The following ACBD4 variants were observed in gnomAD, a reference collection of about 807,000 sequenced individuals.
ACBD4 encodes the protein acyl-CoA binding domain containing 4.
A neutral mutation model predicts 46.0 loss-of-function variants in ACBD4; 41 were observed. That is an observed-to-expected ratio of 0.89 (90% CI 0.69 to 1.16). The LOEUF (loss-of-function observed/expected upper bound fraction) is 1.16, where lower values mean the gene tolerates loss of function less well. Ranked by LOEUF, ACBD4 falls within the 50% of genes most tolerant of loss-of-function variation. The pLI, the probability that ACBD4 is intolerant of heterozygous loss-of-function variation, is 0.00. For synonymous variants in ACBD4, 162 were observed against 155.9 expected (o/e 1.04, Z -0.29); for missense variants, 393 against 399.5 (o/e 0.98, Z 0.14).
chr17:45,132,623 G>A (rs923982713), upstream of ACBD4: 4 of 265,962 alleles, frequency 1.5e-5, no homozygotes, highest in African/African-American at 2.3e-5. This position sits in a 1 kb window ranked among gnomAD's most constrained non-coding sequence, Gnocchi z 4.6. Context: ...GGGGCCAGGC[G>A]GTGGCCTGGA....
intron 7 of ACBD4, 22 bp from the exon 8 acceptor site, chr17:45,137,891 G>A: frequency 1.9e-6 from 3 of 1,611,586 alleles, no homozygotes; most frequent in Non-Finnish European, 2.5e-6. Context: ...CCCACCCTCA[G>A]CTCTCTGACT....
chr17:45,132,417 G>A (rs1029644977), upstream of ACBD4: 1 of 1,211,628 alleles, frequency 8.3e-7, no homozygotes, highest in African/African-American at 1.6e-5. The surrounding 1 kb of genome is among the most constrained non-coding windows in gnomAD (Gnocchi z 4.6). Context: ...GCATGGCTTG[G>A]CGGGGGGCCG....
At chr17:45,131,602 C>T (rs901330142), upstream of ACBD4, among the ~76,000 whole-genome samples, 2 of 152,238 alleles carry the variant, frequency 1.3e-5, no homozygotes, top group African/African-American at 4.8e-5. Flanking sequence ...CCTAGGAAGT[C>T]GAGGAAGATT....
rs570487704 is a variant in ACBD4, at chr17:45,143,430, C to G, written c.790-13C>G. On this transcript the variant is annotated splice_polypyrimidine_tract_variant and intron_variant, in intron 9 of 9. Coordinates refer to ENST00000321854, the MANE Select transcript of ACBD4 (RefSeq NM_001135705.3). The stretch of plus-strand genomic sequence containing the variant: ...CCTGGACTGGCCTCTGACTCCCTCC[C>G]TCTTGGCTGCAGAGGCCGCAGCCCA... 1.9e-6 allele frequency: 3 copies of G among 1,599,320 alleles called. No individual in the cohort carries two copies. Among genetic ancestry groups the G allele is most frequent in the South Asian group, 2.2e-5 (2 of 90,078 alleles).
upstream of ACBD4, among the ~76,000 whole-genome samples, chr17:45,132,858 C>A (rs1038805439): frequency 5.9e-5 from 9 of 152,210 alleles, no homozygotes; most frequent in African/African-American, 1.9e-4. This position sits in a 1 kb window ranked among gnomAD's most constrained non-coding sequence, Gnocchi z 4.6. Flanking sequence ...CCTTCCGCGT[C>A]CCCGTCGCGC....
chr17:45,133,720 A>T (rs1450704903), upstream of ACBD4, among the ~76,000 whole-genome samples: 1 of 149,464 alleles, frequency 6.7e-6, no homozygotes, highest in Non-Finnish European at 1.5e-5. Flanking sequence ...TTTAGTAGAG[A>T]CGGGGTTTCA....
At position 45,143,433 on chromosome 17, in the gene ACBD4, T is replaced by A; in HGVS notation, c.790-10T>A. The A allele has an allele frequency of 6.2e-7, 1 of 1,601,040 alleles. No individual in the cohort carries two copies. Among genetic ancestry groups the A allele is most frequent in the Non-Finnish European group, 8.5e-7 (1 of 1,176,454 alleles). On this transcript the variant is annotated splice_polypyrimidine_tract_variant and intron_variant, in intron 9 of 9. Coordinates refer to ENST00000321854, the MANE Select transcript of ACBD4 (RefSeq NM_001135705.3). ...GGACTGGCCTCTGACTCCCTCCCTC[T>A]TGGCTGCAGAGGCCGCAGCCCAGGC...
Position 45,143,869 on chromosome 17 carries a change from C to T in ACBD4, c.*298C>T. The T allele has an allele frequency of 2.2e-6, 1 of 445,246 alleles. No individual in the cohort carries two copies. Among genetic ancestry groups the T allele is most frequent in the South Asian group, 3.3e-5 (1 of 30,124 alleles). The allele number at this position is 445,246 out of a possible 1,614,324, so 27.6% of individuals were successfully genotyped here. A position where few individuals can be genotyped will look rare whatever the true frequency, so the allele number is the denominator to read the frequency against. ...GGGGCGGGGCGATCGGGTCTCAGCC[C>T]CTGCCTTCCCCAGTCTCTGGGTCAC... On this transcript the variant is annotated 3_prime_UTR_variant, in exon 10 of 10. Coordinates refer to ENST00000321854, the MANE Select transcript of ACBD4 (RefSeq NM_001135705.3).
chr17:45,137,341 C>G, intron 5 of ACBD4, 27 bp from the exon 6 acceptor site: 1 of 1,613,650 alleles, frequency 6.2e-7, no homozygotes, highest in Non-Finnish European at 8.5e-7. Context: ...CTCCCCAGGC[C>G]CACCTCTGGG....
At chr17:45,134,519 G>A (rs1044569593), upstream of ACBD4, among the ~76,000 whole-genome samples, 4 of 152,258 alleles carry the variant, frequency 2.6e-5, no homozygotes, top group Non-Finnish European at 5.9e-5. Context: ...GCTCACGCCT[G>A]TAATCCCAAC....
At position 45,137,899 on chromosome 17, in the gene ACBD4, ACTCAT is replaced by A. The variant is rs3830314; in HGVS notation, c.574-9_574-5del. The A allele has an allele frequency of 5.7e-4, 912 of 1,606,316 alleles. 6 individuals are homozygous for A. In the East Asian group the frequency reaches 0.011, roughly 19 times the overall value. On this transcript the variant is annotated splice_polypyrimidine_tract_variant and intron_variant, in intron 7 of 9. Coordinates refer to ENST00000321854, the MANE Select transcript of ACBD4 (RefSeq NM_001135705.3). ...TCCCACTCCCACCCTCAGCTCTCTG[ACTCAT>A]CTCAGCAGGTTTGGACAGAGCAGCG...
At chr17:45,134,278 C>T (rs1225072831), upstream of ACBD4, among the ~76,000 whole-genome samples, 15 of 152,182 alleles carry the variant, frequency 9.9e-5, no homozygotes, top group Admixed American at 9.8e-4. Flanking sequence ...GTTGGGACTA[C>T]AGGCCTGAGC....
chr17:45,140,169 G>GTTT (rs201542915), intron 9 of ACBD4, among the ~76,000 whole-genome samples: 2 of 142,994 alleles, frequency 1.4e-5, no homozygotes, highest in Non-Finnish European at 3.1e-5. Flanking sequence ...CTTTTCTTCT[G>GTTT]TTTTTTTTTT....
intron 8 of ACBD4, 160 bp downstream of exon 8, chr17:45,138,148 C>A: frequency 1.3e-6 from 1 of 786,672 alleles, no homozygotes; most frequent in South Asian, 1.8e-5. Context: ...CAGCCAGATA[C>A]CTGCCTGGAT....
At position 45,137,331 on chromosome 17, in the gene ACBD4, C is replaced by G. The variant is rs575349389; in HGVS notation, c.416-37C>G. 2.6e-4 allele frequency: 427 copies of G among 1,612,204 alleles called. 4 individuals are homozygous for G. In the South Asian group the frequency reaches 4.3e-3, roughly 16 times the overall value. On this transcript the variant is annotated intron_variant, in intron 5 of 9. Transcript: ENST00000321854. ...TGATCACACTGGGAGGTGCCAGCCT[C>G]TCCCCAGGCCCACCTCTGGGTGCTG...
rs1041833546 is a variant in ACBD4 at position 45,139,237 on chromosome 17, T to C, written c.789+77T>C. 7 of 1,527,294 alleles carry C rather than the reference T, an allele frequency of 4.6e-6. No individual in the cohort carries two copies. The Admixed American group carries it at 8.4e-5, about 18-fold the overall frequency. 94.6% of individuals were successfully genotyped at this position (1,527,294 alleles called of 1,614,324 possible). ...TCTGGGCTCCTCTTCCAGCCACTTTTGTTTTTGTCCTCACGCCTCCACCTG... is the reference window on the plus strand; with the variant it reads ...TCTGGGCTCCTCTTCCAGCCACTTTCGTTTTTGTCCTCACGCCTCCACCTG... On this transcript the variant is annotated intron_variant, in intron 9 of 9. Coordinates refer to ENST00000321854, the MANE Select transcript of ACBD4 (RefSeq NM_001135705.3).
At position 45,137,789 on chromosome 17, in the gene ACBD4, G is replaced by T; in HGVS notation, c.532G>T (p.Glu178Ter). 1 of 1,613,972 alleles carries T rather than the reference G, an allele frequency of 6.2e-7. No homozygotes were observed. Among genetic ancestry groups the T allele is most frequent in the East Asian group, 2.2e-5 (1 of 44,870 alleles). The stretch of plus-strand genomic sequence containing the variant: ...CCATTCACCCAGGGACCTGGACTCC[G>T]AGGTTTTCTGTGATTCCCTGGAGCA... The part of the protein sequence containing the change: ...ESHSPRDLDS[E>*]VFCDSLEQLE... The change falls in exon 7 of 10, where the codon GAG (glutamate) becomes TAG (stop). Residue 178 changes from glutamate to a stop codon, truncating the protein, a stop_gained. Transcript: ENST00000321854. LOFTEE classifies it high-confidence loss of function.
At chr17:45,142,264 G>A (rs1488071249) in intron 9 of ACBD4, among the ~76,000 whole-genome samples, 1 of 151,422 alleles carries the variant, frequency 6.6e-6, no homozygotes, top group Non-Finnish European at 1.5e-5. Context: ...ATGGTGGCAG[G>A]TTTCTGTAAT....
chr17:45,139,732 G>A (rs1304744398), intron 9 of ACBD4, among the ~76,000 whole-genome samples: 1 of 152,202 alleles, frequency 6.6e-6, no homozygotes, highest in Non-Finnish European at 1.5e-5. Flanking sequence ...TTTAGAGAGG[G>A]AAACTAAAGC....
Sources: gnomAD v4.1 joint callset for allele counts (sites outside exome capture counted in the v4.1 genomes callset) on GRCh38, gnomAD v4.1.1 for gene constraint, Gnocchi (gnomAD v3.1) non-coding constraint, MANE v1.5 for transcripts, NCBI Gene and HGNC (gene_info 2026-07-23, HGNC 2026-07-21) for gene names.